Variants in RUVBL1 observed in about 807,000 individuals in gnomAD.
RUVBL1 encodes ruvB-like 1.
Under a neutral mutation model 52.4 loss-of-function variants are expected in RUVBL1, and 4 were observed. That is an observed-to-expected ratio of 0.08 (90% confidence interval 0.04 to 0.17). The LOEUF is 0.17. Ranked by LOEUF, RUVBL1 falls within the 10% of genes least tolerant of loss-of-function variation. The probability of loss-of-function intolerance (pLI) is 1.00; values close to 1 mark genes in which losing one functional copy is unlikely to be tolerated. For synonymous variants in RUVBL1, 217 were observed against 214.4 expected (o/e 1.01, Z -0.10); for missense variants, 298 against 572.8 (o/e 0.52, Z 4.90).
intron 1 of RUVBL1, among the ~76,000 whole-genome samples, chr3:128,132,568 G>A (rs983884918): frequency 6.6e-6 from 1 of 152,090 alleles, no homozygotes; most frequent in African/African-American, 2.4e-5. Context: ...CAGTAGAATG[G>A]GGCAGCAGGT....
At chr3:128,111,387 C>T (rs748582606) in intron 3 of RUVBL1, among the ~76,000 whole-genome samples, 1 of 152,144 alleles carries the variant, frequency 6.6e-6, no homozygotes, top group Admixed American at 6.5e-5. Flanking sequence ...AAACACCCAA[C>T]CTGCTCCCTC....
chr3:128,109,883 G>A (rs539729581), intron 3 of RUVBL1, among the ~76,000 whole-genome samples: 41 of 118,066 alleles, frequency 3.5e-4, no homozygotes, highest in African/African-American at 1.2e-3. Context: ...TGGCATAATC[G>A]CCACTCACTG....
At chr3:128,119,563 G>A (rs749054806) in intron 1 of RUVBL1, 149 bp from the exon 2 acceptor site, 8 of 577,828 alleles carry the variant, frequency 1.4e-5, no homozygotes, top group Non-Finnish European at 2.1e-5. Flanking sequence ...GGTGCCGAGG[G>A]TAACGAAGGC....
At chr3:128,088,437 T>C (rs541962853) in intron 8 of RUVBL1, among the ~76,000 whole-genome samples, 1 of 148,594 alleles carries the variant, frequency 6.7e-6, no homozygotes, top group Non-Finnish European at 1.5e-5. Context: ...ATATACTATA[T>C]TATAGTATAT....
intron 1 of RUVBL1, among the ~76,000 whole-genome samples, chr3:128,148,027 T>C (rs73192976): frequency 0.044 from 6,626 of 152,282 alleles, 192 homozygotes; most frequent in Non-Finnish European, 0.059. Flanking sequence ...TCCACTTATA[T>C]GATGTTCTGG....
In RUVBL1 at chr3:128,097,490, G is replaced by A; in HGVS notation, c.826C>T (p.Arg276Ter). Residue 276 changes from arginine to a stop codon, truncating the protein, a stop_gained, in exon 8 of 11, where the codon CGA (arginine) becomes TGA (stop). Transcript: ENST00000322623. LOFTEE classifies it high-confidence loss of function. ...TTCACCACCTTATTAATCTCCCCTC[G>A]AAGTTTGTCTAGGAGATGCAAGGAT... ...PKKTEITDKL[R>*]GEINKVVNKY... The A allele has an allele frequency of 1.2e-6, 2 of 1,614,106 alleles. No homozygotes were observed. The highest frequency in any genetic ancestry group is 1.7e-6 in the Non-Finnish European group (2 of 1,180,010).
intron 1 of RUVBL1, among the ~76,000 whole-genome samples, chr3:128,121,572 T>C (rs1382977409): frequency 6.6e-6 from 1 of 150,674 alleles, no homozygotes; most frequent in African/African-American, 2.4e-5. Context: ...TAGCCGAGCG[T>C]GGTGGTAGGC....
At chr3:128,109,977 C>T (rs574727215) in intron 3 of RUVBL1, among the ~76,000 whole-genome samples, 5 of 151,878 alleles carry the variant, frequency 3.3e-5, no homozygotes, top group South Asian at 2.1e-4. Flanking sequence ...CACCATGCCC[C>T]GCTAATTTTT....
Position 128,112,612 on chromosome 3 carries a change from T to C in RUVBL1, c.361+276A>G, listed in dbSNP as rs1943421305. 5.3e-5 allele frequency among the ~76,000 whole-genome samples: 8 copies of C among 152,190 alleles called. No homozygotes were observed. The South Asian group carries it at 1.2e-3, about 24-fold the overall frequency. On this transcript the variant is annotated intron_variant, in intron 3 of 10. Transcript: ENST00000322623. ...GCAAAATAAGACTTCCAGGAAAATA[T>C]GACTCATTAAAAAAACACTTTTAGA...
intron 2 of RUVBL1, among the ~76,000 whole-genome samples, chr3:128,117,002 T>C (rs1023180501): frequency 2.0e-5 from 3 of 152,210 alleles, no homozygotes; most frequent in African/African-American, 7.2e-5. Context: ...TACTGTCAAG[T>C]GGTTCAGAAA....
At chr3:128,150,962 T>C (rs1313752707) in intron 1 of RUVBL1, among the ~76,000 whole-genome samples, 1 of 91,978 alleles carries the variant, frequency 1.1e-5, no homozygotes, top group Non-Finnish European at 1.9e-5. Context: ...TTATATATTC[T>C]ATATATTATA....
At chr3:128,145,787 A>G (rs1181194968) in intron 1 of RUVBL1, among the ~76,000 whole-genome samples, 1 of 152,212 alleles carries the variant, frequency 6.6e-6, no homozygotes, top group African/African-American at 2.4e-5. Flanking sequence ...AATTTTAAAA[A>G]ATTTACTTAT....
intron 9 of RUVBL1, chr3:128,066,787 G>A: frequency 1.6e-6 from 1 of 632,626 alleles, no homozygotes; most frequent in Non-Finnish European, 2.8e-6. Context: ...CAGGAGTGCA[G>A]TGGTGGGTAA....
At chr3:128,137,794 C>T (rs1943969362) in intron 1 of RUVBL1, among the ~76,000 whole-genome samples, 1 of 152,128 alleles carries the variant, frequency 6.6e-6, no homozygotes, top group African/African-American at 2.4e-5. Context: ...AAGTCCTCAA[C>T]AAAATATTAG....
intron 4 of RUVBL1, among the ~76,000 whole-genome samples, chr3:128,103,386 G>C (rs1943149731): frequency 6.6e-6 from 1 of 152,162 alleles, no homozygotes; most frequent in African/African-American, 2.4e-5. Context: ...CGAGGGGTAG[G>C]TATAAAAGAG....
At chr3:128,087,879 C>A in intron 8 of RUVBL1, 71 bp from the exon 9 acceptor site, 1 of 1,071,758 alleles carries the variant, frequency 9.3e-7, no homozygotes, top group Non-Finnish European at 1.4e-6. Context: ...AAATACAGAT[C>A]CAACACTCAC....
intron 1 of RUVBL1, among the ~76,000 whole-genome samples, chr3:128,143,089 C>A (rs1444322026): frequency 6.6e-6 from 1 of 151,808 alleles, no homozygotes; most frequent in Admixed American, 6.6e-5. Flanking sequence ...ACCCTCCTGC[C>A]ACTCTCTTAT....
chr3:128,149,670 G>A (rs1156988567), intron 1 of RUVBL1, among the ~76,000 whole-genome samples: 1 of 152,220 alleles, frequency 6.6e-6, no homozygotes, highest in African/African-American at 2.4e-5. Context: ...AACGCTTCCA[G>A]AGCAACTGTC....
At chr3:128,102,970 C>T (rs1943138720) in intron 4 of RUVBL1, among the ~76,000 whole-genome samples, 1 of 152,114 alleles carries the variant, frequency 6.6e-6, no homozygotes, top group Admixed American at 6.6e-5. Context: ...TGGGTGAGGC[C>T]CCCAGGTAAG....
Sources: allele counts gnomAD v4.1 joint callset (sites outside exome capture counted in the v4.1 genomes callset), GRCh38; gene constraint gnomAD v4.1.1; transcripts MANE v1.5; gene names NCBI Gene and HGNC (gene_info 2026-07-23, HGNC 2026-07-21).